ENDOD1: variants seen among roughly 807,000 people sequenced by gnomAD.
ENDOD1 encodes endonuclease domain containing 1.
A neutral mutation model predicts 6.5 loss-of-function variants in ENDOD1; 9 were observed. That is an observed-to-expected ratio of 1.39 (90% CI 0.84 to 2.43). The LOEUF (loss-of-function observed/expected upper bound fraction) is 2.43, where lower values mean the gene tolerates loss of function less well. ENDOD1 is among the 30% of genes most tolerant of loss of function. The pLI is 0.00. For synonymous variants in ENDOD1, 255 were observed against 255.2 expected (o/e 1.00, Z 0.01); for missense variants, 648 against 635.5 (o/e 1.02, Z -0.21).
At position 95,098,737 on chromosome 11, in the gene ENDOD1, G is replaced by A. The variant is rs148159962; in HGVS notation, c.300+8510G>A. Among the ~76,000 whole-genome samples, 849 of 151,648 alleles carry A rather than the reference G, an allele frequency of 5.6e-3. 3 individuals are homozygous for A. The highest frequency in any genetic ancestry group is 0.019 in the African/African-American group (800 of 41,322). On this transcript the variant is annotated intron_variant, in intron 1 of 1. Transcript: ENST00000278505. ...GTAATTTCATGTAATCCTCAGCATC[G>A]TCAGAAATAGGTACTATTATTATCC...
At chr11:95,114,648 T>G (rs1279132061) in intron 1 of ENDOD1, among the ~76,000 whole-genome samples, 4 of 152,210 alleles carry the variant, frequency 2.6e-5, no homozygotes, top group Non-Finnish European at 5.9e-5. Context: ...TAAGTTTTCA[T>G]CCATTTTGAT....
At chr11:95,122,874 A>G (rs1565448670) in intron 1 of ENDOD1, among the ~76,000 whole-genome samples, 1 of 152,190 alleles carries the variant, frequency 6.6e-6, no homozygotes, top group Non-Finnish European at 1.5e-5. Context: ...TCCTCAGTGG[A>G]AATCAGTTAG....
intron 1 of ENDOD1, among the ~76,000 whole-genome samples, chr11:95,120,086 G>A (rs1859247617): frequency 6.6e-6 from 1 of 152,126 alleles, no homozygotes; most frequent in African/African-American, 2.4e-5. Flanking sequence ...CTCTGACCCA[G>A]GGCAGGTCCA....
At chr11:95,120,322 T>G (rs916981511) in intron 1 of ENDOD1, among the ~76,000 whole-genome samples, 7 of 152,088 alleles carry the variant, frequency 4.6e-5, no homozygotes, top group African/African-American at 1.4e-4. Flanking sequence ...GCCCATGACA[T>G]GCTTACCTAG....
At chr11:95,102,971 T>A (rs570793126) in intron 1 of ENDOD1, among the ~76,000 whole-genome samples, 1 of 152,278 alleles carries the variant, frequency 6.6e-6, no homozygotes, top group East Asian at 1.9e-4. Flanking sequence ...AGACTCCAAT[T>A]CCATGCCCAG....
At chr11:95,113,880 CCCA>C (rs1334305292) in intron 1 of ENDOD1, among the ~76,000 whole-genome samples, 1 of 152,134 alleles carries the variant, frequency 6.6e-6, no homozygotes, top group Non-Finnish European at 1.5e-5. Context: ...AATTTACTTT[CCCA>C]CCAACAGTGT....
At chr11:95,124,590 C>T (rs1173971272) in intron 1 of ENDOD1, among the ~76,000 whole-genome samples, 1 of 152,188 alleles carries the variant, frequency 6.6e-6, no homozygotes, top group Non-Finnish European at 1.5e-5. Flanking sequence ...TACTGCTTTG[C>T]CTTGGAAGGC....
At chr11:95,127,093 A>G (rs1859319271) in intron 1 of ENDOD1, among the ~76,000 whole-genome samples, 1 of 152,154 alleles carries the variant, frequency 6.6e-6, no homozygotes, top group Non-Finnish European at 1.5e-5. Context: ...CTGCTATTAT[A>G]AATACTGCCG....
intron 1 of ENDOD1, among the ~76,000 whole-genome samples, chr11:95,097,105 A>G (rs1858993493): frequency 6.6e-6 from 1 of 151,160 alleles, no homozygotes; most frequent in African/African-American, 2.4e-5. Context: ...TGGTGAGCTG[A>G]GATCATGCCA....
intron 1 of ENDOD1, among the ~76,000 whole-genome samples, chr11:95,100,865 G>GTTTTTTTTTTTTT (rs34680715): frequency 2.8e-5 from 2 of 72,282 alleles, no homozygotes; most frequent in African/African-American, 1.1e-4. Flanking sequence ...CCTGCTGGGT[G>GTTTTTTTTTTTTT]TTTTTTTTTT....
rs768410732 is a variant in ENDOD1, at chr11:95,132,429, GA to G, written c.*2851del. On this transcript the variant is annotated 3_prime_UTR_variant, in exon 2 of 2. Transcript: ENST00000278505. ...TCTTTGAGGAGTTCAAAACCTAGTG[GA>G]GAGAACACATGGTACAATCGTAACA... is the stretch of plus-strand genomic sequence containing the variant. The G allele has an allele frequency of 1.8e-4, 27 of 152,432 alleles. No homozygotes were observed. Among genetic ancestry groups the G allele is most frequent in the African/African-American group, 6.0e-4 (25 of 41,460 alleles). 9.4% of individuals were successfully genotyped at this position (152,432 alleles called of 1,614,324 possible).
chr11:95,113,409 C>T (rs2134169529), intron 1 of ENDOD1, among the ~76,000 whole-genome samples: 1 of 152,260 alleles, frequency 6.6e-6, no homozygotes, highest in African/African-American at 2.4e-5. Context: ...CTATCTTTCC[C>T]AGTCTCTGGT....
intron 1 of ENDOD1, among the ~76,000 whole-genome samples, chr11:95,107,424 C>T (rs1859100035): frequency 6.6e-6 from 1 of 151,652 alleles, no homozygotes; most frequent in Non-Finnish European, 1.5e-5. Context: ...GGCCTAAGAA[C>T]CTTTGATCTT....
At chr11:95,112,073 T>C (rs574385894) in intron 1 of ENDOD1, among the ~76,000 whole-genome samples, 1 of 152,340 alleles carries the variant, frequency 6.6e-6, no homozygotes, top group East Asian at 1.9e-4. Flanking sequence ...GCTACTGGTC[T>C]CTAATCACCA....
At chr11:95,125,849 G>C (rs1347949864) in intron 1 of ENDOD1, among the ~76,000 whole-genome samples, 1 of 152,120 alleles carries the variant, frequency 6.6e-6, no homozygotes, top group East Asian at 1.9e-4. Flanking sequence ...ATCACTGTTG[G>C]ACATTTGGGT....
chr11:95,115,148 T>C (rs1555112351), intron 1 of ENDOD1, among the ~76,000 whole-genome samples: 1 of 152,216 alleles, frequency 6.6e-6, no homozygotes, highest in African/African-American at 2.4e-5. Flanking sequence ...TCTTTTTGTG[T>C]GTCCTCTTTG....
At chr11:95,113,584 C>A (rs1859171226) in intron 1 of ENDOD1, among the ~76,000 whole-genome samples, 1 of 152,116 alleles carries the variant, frequency 6.6e-6, no homozygotes, top group Non-Finnish European at 1.5e-5. Flanking sequence ...GGAATTCATT[C>A]TTTTTTATGG....
At chr11:95,094,375 C>T (rs530114695) in intron 1 of ENDOD1, among the ~76,000 whole-genome samples, 6 of 152,148 alleles carry the variant, frequency 3.9e-5, no homozygotes, top group South Asian at 2.1e-4. Context: ...GGATCCACTG[C>T]GCTAATGGTC....
chr11:95,124,644 C>T (rs1454919222), intron 1 of ENDOD1, among the ~76,000 whole-genome samples: 2 of 152,222 alleles, frequency 1.3e-5, no homozygotes, highest in African/African-American at 4.8e-5. Context: ...AATTGGGCCA[C>T]GGCCTTCCCA....
Sources: allele counts gnomAD v4.1 joint callset (sites outside exome capture counted in the v4.1 genomes callset), GRCh38; gene constraint gnomAD v4.1.1; transcripts MANE v1.5; gene names NCBI Gene and HGNC (gene_info 2026-07-23, HGNC 2026-07-21).